ZNF133: variants seen among roughly 807,000 people sequenced by gnomAD.
ZNF133 encodes the protein zinc finger protein 133, also known as zinc finger protein 133 (clone pHZ-13).
ZNF133 carries 26 observed loss-of-function variants against 54.9 expected under a neutral mutation model. The observed-to-expected ratio is 0.47, with a 90% CI of 0.35 to 0.66. The LOEUF (loss-of-function observed/expected upper bound fraction) is 0.66. ZNF133 is among the 30% of genes least tolerant of loss of function. The pLI is 0.01. For missense variants in ZNF133, 653 were observed against 820.8 expected (o/e 0.80, Z 2.50); for synonymous variants, 298 against 320.3 (o/e 0.93, Z 0.74).
intron 1 of ZNF133, among the ~76,000 whole-genome samples, chr20:18,290,881 C>A (rs2146770994): frequency 6.6e-6 from 1 of 152,302 alleles, no homozygotes; most frequent in East Asian, 1.9e-4. Context: ...GTAATCAGCA[C>A]TTTGGGGGGC....
chr20:18,308,018 A>G (rs1406706000), intron 6 of ZNF133, among the ~76,000 whole-genome samples: 4 of 152,194 alleles, frequency 2.6e-5, no homozygotes, highest in African/African-American at 9.6e-5. Context: ...TGTATGAAAG[A>G]GTATATATCC....
At chr20:18,308,448 T>A (rs1391746449) in intron 6 of ZNF133, among the ~76,000 whole-genome samples, 1 of 152,192 alleles carries the variant, frequency 6.6e-6, no homozygotes, top group Non-Finnish European at 1.5e-5. Context: ...AACTTCTCCA[T>A]TTATTTCTAA....
At chr20:18,299,639 T>G (rs1316737540) in intron 3 of ZNF133, among the ~76,000 whole-genome samples, 1 of 152,084 alleles carries the variant, frequency 6.6e-6, no homozygotes, top group African/African-American at 2.4e-5. Context: ...TGAGAAACAA[T>G]GTAATCAAAG....
chr20:18,295,695 T>C lies in ZNF133; in HGVS notation c.-431-2290T>C, dbSNP rs555248678. 9.2e-5 allele frequency among the ~76,000 whole-genome samples: 14 copies of C among 152,306 alleles called. No individual in the cohort carries two copies. In the South Asian group the frequency reaches 2.7e-3, roughly 29 times the overall value. On this transcript the variant is annotated intron_variant, in intron 1 of 6. Transcript: ENST00000425686. ...TTTTTTGAGGCAGGGTCTCACTCTC[T>C]CACCTAGACTGGAGTGCAGTGATGC...
rs771652439 is a variant in ZNF133 at position 18,305,650 on chromosome 20, T to G, written c.-6-31T>G. ...CCCTGCCATGGGCAAGGCTGGCTTC[T>G]GAGTGAGCAGGGCTCAGTTTTGTGT... is the stretch of plus-strand genomic sequence containing the variant. On this transcript the variant is annotated intron_variant, in intron 4 of 6. Coordinates refer to ENST00000425686, the MANE Select transcript of ZNF133 (RefSeq NM_001352452.2). This position sits in a 1 kb window ranked among gnomAD's most constrained non-coding sequence, Gnocchi z 4.7. The G allele has an allele frequency of 5.6e-6, 9 of 1,613,950 alleles. No individual in the cohort carries two copies. The South Asian group carries it at 9.9e-5, about 18-fold the overall frequency.
chr20:18,293,751 G>A (rs1421418691), intron 1 of ZNF133, among the ~76,000 whole-genome samples: 1 of 151,716 alleles, frequency 6.6e-6, no homozygotes, highest in African/African-American at 2.4e-5. Context: ...GAATGAAAGG[G>A]GGAAAAAGCT....
In ZNF133 at chr20:18,315,173, T is replaced by C; in HGVS notation, c.322T>C (p.Phe108Leu). ...HVLCNHPPWI[F>L]TCLCAEGNIQ... ...GCTGTGTAATCATCCCCCCTGGATC[T>C]TCACATGCTTGTGTGCAGAAGGTAA... The change falls in exon 7 of 7, where the codon TTC (phenylalanine) becomes CTC (leucine). Residue 108 changes from phenylalanine (F) to leucine (L), a missense_variant. Around this residue, in one of 4 missense-constraint regions of ZNF133, gnomAD observed 227 missense variants for 233.9 expected, o/e 0.97. Coordinates refer to ENST00000425686, the MANE Select transcript of ZNF133 (RefSeq NM_001352452.2). 6.2e-7 allele frequency: 1 copy of C among 1,613,002 alleles called. No homozygotes were observed. The highest frequency in any genetic ancestry group is 8.5e-7 in the Non-Finnish European group (1 of 1,179,362).
chr20:18,297,644 A>G (rs901979479), intron 1 of ZNF133, among the ~76,000 whole-genome samples: 1 of 151,750 alleles, frequency 6.6e-6, no homozygotes, highest in Non-Finnish European at 1.5e-5. Flanking sequence ...GTCAGATTCT[A>G]GTGTTTTTGA....
chr20:18,298,939 C>T (rs771142772), intron 3 of ZNF133, among the ~76,000 whole-genome samples: 1 of 152,070 alleles, frequency 6.6e-6, no homozygotes, highest in Non-Finnish European at 1.5e-5. Context: ...AGCATGGAGA[C>T]ACCCTACATC....
intron 1 of ZNF133, among the ~76,000 whole-genome samples, chr20:18,294,471 A>G (rs1160036212): frequency 6.6e-6 from 1 of 152,212 alleles, no homozygotes; most frequent in East Asian, 1.9e-4. Context: ...TAAAGTCTGT[A>G]GTTTATAGTA....
chr20:18,309,411 G>C (rs967293028), intron 6 of ZNF133, among the ~76,000 whole-genome samples: 3 of 152,236 alleles, frequency 2.0e-5, no homozygotes, highest in Admixed American at 6.5e-5. Context: ...TGGTGTATAA[G>C]CTGAAAGGTC....
At chr20:18,299,001 CAG>C (rs2042817003) in intron 3 of ZNF133, among the ~76,000 whole-genome samples, 1 of 152,010 alleles carries the variant, frequency 6.6e-6, no homozygotes, top group Admixed American at 6.6e-5. Context: ...GAGACTCTAA[CAG>C]AGTTGCTGCT....
chr20:18,298,003 C>T lies in ZNF133; in HGVS notation c.-413C>T. On this transcript the variant is annotated 5_prime_UTR_variant, in exon 2 of 7. Coordinates refer to ENST00000425686, the MANE Select transcript of ZNF133 (RefSeq NM_001352452.2). ...TACCCAGATCTACCTTCTGAGATAT[C>T]ATCCTTCTTCAGGGAGATAAGGAAA... is the stretch of plus-strand genomic sequence containing the variant. 1 of 1,531,600 alleles carries T rather than the reference C, an allele frequency of 6.5e-7. No individual in the cohort carries two copies. The highest frequency in any genetic ancestry group is 2.0e-5 in the Admixed American group (1 of 50,954). 94.9% of individuals were successfully genotyped at this position (1,531,600 alleles called of 1,614,324 possible).
At chr20:18,314,219 C>T (rs771502211) in intron 6 of ZNF133, 1 of 152,120 alleles carries the variant, frequency 6.6e-6, no homozygotes, top group Non-Finnish European at 1.5e-5. Context: ...GTAGATCCAT[C>T]GAGATCTCTA....
chr20:18,315,328 G>A lies in ZNF133; in HGVS notation c.477G>A (p.Lys159=), dbSNP rs778934787. ...CCATGCCTTTGTTTGGAAGAACCAA[G>A]AAAAGGACTCTGGGAGCGTTCTCCA... ...EGAMPLFGRT[K]KRTLGAFSRP... Residue 159 remains lysine, a synonymous_variant, in exon 7 of 7, where the codon AAG becomes AAA. Transcript: ENST00000425686. The A allele has an allele frequency of 3.1e-6, 5 of 1,613,962 alleles. No individual in the cohort carries two copies. In the East Asian group the frequency reaches 8.9e-5, roughly 29 times the overall value.
Position 18,298,004 on chromosome 20 carries a change from A to T in ZNF133, c.-412A>T. On this transcript the variant is annotated 5_prime_UTR_variant, in exon 2 of 7. Transcript: ENST00000425686. ...ACCCAGATCTACCTTCTGAGATATC[A>T]TCCTTCTTCAGGGAGATAAGGAAAA... The T allele has an allele frequency of 6.5e-7, 1 of 1,534,044 alleles. No individual in the cohort carries two copies. Among genetic ancestry groups the T allele is most frequent in the Non-Finnish European group, 8.7e-7 (1 of 1,145,644 alleles).
intron 3 of ZNF133, among the ~76,000 whole-genome samples, chr20:18,299,590 A>G (rs527657924): frequency 6.6e-6 from 1 of 152,334 alleles, no homozygotes; most frequent in East Asian, 1.9e-4. Flanking sequence ...CAAGCAGCTC[A>G]ATGAACTATA....
chr20:18,312,223 T>C (rs2046228959), intron 6 of ZNF133, among the ~76,000 whole-genome samples: 1 of 152,192 alleles, frequency 6.6e-6, no homozygotes. Context: ...TCACATGAGA[T>C]CAGCTGTGGA....
Position 18,315,491 on chromosome 20 carries a change from G to C in ZNF133, c.640G>C (p.Val214Leu). 6.2e-7 allele frequency: 1 copy of C among 1,614,200 alleles called. No individual in the cohort carries two copies. Among genetic ancestry groups the C allele is most frequent in the Non-Finnish European group, 8.5e-7 (1 of 1,180,036 alleles). ...KRIEVLGFGT[V>L]NCGECGLSFS... ...GATAGAAGTCTTAGGATTTGGAACA[G>C]TCAACTGTGGAGAGTGTGGACTGAG... is the stretch of plus-strand genomic sequence containing the variant. Residue 214 changes from valine to leucine, a missense_variant, in exon 7 of 7, where the codon GTC becomes CTC. Around this residue, in one of 4 missense-constraint regions of ZNF133, gnomAD observed 292 missense variants for 431.6 expected, o/e 0.68. Transcript: ENST00000425686.
Sources: allele counts gnomAD v4.1 joint callset (sites outside exome capture counted in the v4.1 genomes callset), GRCh38; gene constraint gnomAD v4.1.1; regional missense constraint gnomAD v4.1.1; non-coding constraint Gnocchi (gnomAD v3.1); transcripts MANE v1.5; gene names NCBI Gene and HGNC (gene_info 2026-07-23, HGNC 2026-07-21).